CAMKMT: variants seen among roughly 807,000 people sequenced by gnomAD.
The protein encoded by CAMKMT is calmodulin-lysine N-methyltransferase, also known as CaM KMT.
In CAMKMT, 53 loss-of-function variants were observed where a neutral mutation model predicts 48.0. The observed-to-expected ratio is 1.10, with a 90% CI of 0.89 to 1.39. The LOEUF (loss-of-function observed/expected upper bound fraction) is 1.39. Ranked by LOEUF, CAMKMT falls within the 40% of genes most tolerant of loss-of-function variation. The pLI, the probability that CAMKMT is intolerant of heterozygous loss-of-function variation, is 0.00. For missense variants in CAMKMT, 428 were observed against 402.7 expected (o/e 1.06, Z -0.54); for synonymous variants, 165 against 152.3 (o/e 1.08, Z -0.61).
chr2:44,564,796 C>T (rs879414509), intron 3 of CAMKMT, among the ~76,000 whole-genome samples: 2 of 151,950 alleles, frequency 1.3e-5, no homozygotes, highest in Admixed American at 6.6e-5. Flanking sequence ...TGCTTTGGCC[C>T]CCCAAAGAAC....
intron 3 of CAMKMT, among the ~76,000 whole-genome samples, chr2:44,585,179 A>C (rs1449139745): frequency 2.0e-5 from 3 of 152,220 alleles, no homozygotes; most frequent in Admixed American, 6.5e-5. Context: ...ACCTTTAAAG[A>C]TTCTGCACTA....
At chr2:44,581,670 C>T (rs751543649) in intron 3 of CAMKMT, among the ~76,000 whole-genome samples, 5 of 152,186 alleles carry the variant, frequency 3.3e-5, no homozygotes, top group Non-Finnish European at 5.9e-5. Flanking sequence ...ATAAAGAGCA[C>T]TGTAAATTTT....
At chr2:44,628,217 A>T (rs1444308549) in intron 3 of CAMKMT, among the ~76,000 whole-genome samples, 1 of 151,882 alleles carries the variant, frequency 6.6e-6, no homozygotes, top group Non-Finnish European at 1.5e-5. Context: ...CAAAGTGCTG[A>T]GATTACAGGC....
At chr2:44,396,416 A>G (rs890175189) in intron 3 of CAMKMT, among the ~76,000 whole-genome samples, 6 of 152,218 alleles carry the variant, frequency 3.9e-5, no homozygotes, top group Non-Finnish European at 1.5e-5. Flanking sequence ...AGACAATCTG[A>G]AAACCTGTAA....
At chr2:44,594,009 C>A (rs552156570) in intron 3 of CAMKMT, among the ~76,000 whole-genome samples, 36 of 152,150 alleles carry the variant, frequency 2.4e-4, no homozygotes, top group African/African-American at 8.4e-4. Context: ...GTGATCTGCC[C>A]ACCTCAGCCT....
chr2:44,630,840 G>A (rs990758977), intron 3 of CAMKMT, among the ~76,000 whole-genome samples: 125 of 151,818 alleles, frequency 8.2e-4, no homozygotes, highest in African/African-American at 2.8e-3. Flanking sequence ...TCAGTGTGGC[G>A]ATTCCTCAGG....
intron 1 of CAMKMT, among the ~76,000 whole-genome samples, chr2:44,362,385 G>A (rs1677982165): frequency 6.6e-6 from 1 of 152,160 alleles, no homozygotes; most frequent in South Asian, 2.1e-4. Context: ...AACTCAGATC[G>A]AAGTAGAAGA....
chr2:44,670,233 T>G (rs144813229), intron 3 of CAMKMT, among the ~76,000 whole-genome samples: 2,650 of 152,256 alleles, frequency 0.017, 61 homozygotes, highest in Non-Finnish European at 0.025. Flanking sequence ...TGCTTATATG[T>G]GATGATTTTC....
chr2:44,414,162 A>G (rs2104487654), intron 3 of CAMKMT, among the ~76,000 whole-genome samples: 1 of 152,332 alleles, frequency 6.6e-6, no homozygotes, highest in South Asian at 2.1e-4. Flanking sequence ...TTGTAGGGGA[A>G]TATAATGGTT....
At chr2:44,762,675 A>T (rs149943938) in intron 9 of CAMKMT, among the ~76,000 whole-genome samples, 2,593 of 152,326 alleles carry the variant, frequency 0.017, 33 homozygotes, top group South Asian at 0.03. Context: ...AAATAAAAAT[A>T]AATCTGAAGC....
intron 3 of CAMKMT, among the ~76,000 whole-genome samples, chr2:44,683,236 G>C (rs1385251252): frequency 6.6e-6 from 1 of 151,834 alleles, no homozygotes; most frequent in Non-Finnish European, 1.5e-5. Context: ...TGATTTAATT[G>C]CTAAGCATCT....
intron 3 of CAMKMT, among the ~76,000 whole-genome samples, chr2:44,616,226 C>T (rs557205925): frequency 6.6e-6 from 1 of 152,306 alleles, no homozygotes; most frequent in East Asian, 1.9e-4. Flanking sequence ...ACCCAATCTC[C>T]ATATTCAGCT....
intron 3 of CAMKMT, among the ~76,000 whole-genome samples, chr2:44,514,222 G>C (rs1174460108): frequency 6.6e-6 from 1 of 152,046 alleles, no homozygotes; most frequent in Non-Finnish European, 1.5e-5. Context: ...AATTGTCCGG[G>C]GCTAGGACCT....
intron 2 of CAMKMT, among the ~76,000 whole-genome samples, chr2:44,373,264 C>G (rs1253946596): frequency 6.6e-6 from 1 of 152,158 alleles, no homozygotes; most frequent in South Asian, 2.1e-4. Context: ...TCTGAAAAAT[C>G]AAGCTTTGGT....
intron 7 of CAMKMT, among the ~76,000 whole-genome samples, chr2:44,726,471 G>C (rs1573176708): frequency 6.6e-6 from 1 of 152,036 alleles, no homozygotes; most frequent in East Asian, 1.9e-4. Context: ...TTTTAAATGA[G>C]GTTATTGTTT....
intron 3 of CAMKMT, among the ~76,000 whole-genome samples, chr2:44,611,850 T>G (rs1346885461): frequency 2.6e-5 from 4 of 151,812 alleles, no homozygotes; most frequent in African/African-American, 9.7e-5. Flanking sequence ...GCAAATGAGG[T>G]TGGGGGAGGT....
chr2:44,619,266 C>T (rs1257810075), intron 3 of CAMKMT, among the ~76,000 whole-genome samples: 2 of 152,192 alleles, frequency 1.3e-5, no homozygotes, highest in Non-Finnish European at 2.9e-5. Context: ...ATAGTCTTAA[C>T]ATCTACTAAT....
intron 3 of CAMKMT, among the ~76,000 whole-genome samples, chr2:44,580,107 C>T (rs546408396): frequency 7.2e-5 from 11 of 152,172 alleles, no homozygotes; most frequent in South Asian, 4.2e-4. Flanking sequence ...ATTTGTTCTA[C>T]CTTTGAAATG....
At chr2:44,680,536 C>G (rs181844070) in intron 3 of CAMKMT, among the ~76,000 whole-genome samples, 1 of 152,282 alleles carries the variant, frequency 6.6e-6, no homozygotes, top group Admixed American at 6.5e-5. Flanking sequence ...GGTCCACAGG[C>G]TTTCATTTTG....
Sources: allele counts gnomAD v4.1 joint callset (sites outside exome capture counted in the v4.1 genomes callset), GRCh38; gene constraint gnomAD v4.1.1; transcripts MANE v1.5; gene names NCBI Gene and HGNC (gene_info 2026-07-23, HGNC 2026-07-21).